ZCCHC7: variants seen among roughly 807,000 people sequenced by gnomAD.
The protein encoded by ZCCHC7 is zinc finger CCHC-type containing 7.
ZCCHC7 carries 35 observed loss-of-function variants against 52.0 expected under a neutral mutation model. That is an observed-to-expected ratio of 0.67 (90% CI 0.51 to 0.89). The LOEUF (loss-of-function observed/expected upper bound fraction) is 0.89, where lower values mean the gene tolerates loss of function less well. Among genes scored for constraint, ZCCHC7 ranks in the 40% least tolerant of loss-of-function variants. The pLI, the probability that ZCCHC7 is intolerant of heterozygous loss-of-function variation, is 0.00. For missense variants in ZCCHC7, 574 were observed against 649.1 expected (o/e 0.88, Z 1.26); for synonymous variants, 217 against 221.5 (o/e 0.98, Z 0.18).
At chr9:37,228,389 ATTTT>A (rs897497698) in intron 2 of ZCCHC7, among the ~76,000 whole-genome samples, 1 of 148,068 alleles carries the variant, frequency 6.8e-6, no homozygotes, top group African/African-American at 2.5e-5. Context: ...TTATTTATTT[ATTTT>A]TTTTTTTGAG....
At chr9:37,209,020 G>A (rs945724924) in intron 2 of ZCCHC7, among the ~76,000 whole-genome samples, 1 of 151,708 alleles carries the variant, frequency 6.6e-6, no homozygotes, top group African/African-American at 2.4e-5. Context: ...TTTTTACTGG[G>A]GCTGGCATAA....
At chr9:37,136,638 G>T (rs778340227) in intron 2 of ZCCHC7, among the ~76,000 whole-genome samples, 10 of 152,238 alleles carry the variant, frequency 6.6e-5, no homozygotes, top group Non-Finnish European at 5.9e-5. Flanking sequence ...TTTGTATGGA[G>T]TTAGATGGAG....
At chr9:37,315,866 T>G (rs1723404494) in intron 5 of ZCCHC7, among the ~76,000 whole-genome samples, 1 of 112,350 alleles carries the variant, frequency 8.9e-6, no homozygotes, top group Admixed American at 9.2e-5. Flanking sequence ...AAAAGTTCTA[T>G]ATAAGCATCC....
intron 2 of ZCCHC7, among the ~76,000 whole-genome samples, chr9:37,204,455 C>G (rs1221057044): frequency 6.6e-6 from 1 of 152,138 alleles, no homozygotes; most frequent in Non-Finnish European, 1.5e-5. Flanking sequence ...ACATTTAAGT[C>G]TTTAATCCAT....
chr9:37,296,031 G>A (rs1588628419), intron 2 of ZCCHC7, among the ~76,000 whole-genome samples: 2 of 152,158 alleles, frequency 1.3e-5, no homozygotes, highest in East Asian at 1.9e-4. Flanking sequence ...CTTTAGGTTG[G>A]TGCAAAAGTA....
intron 2 of ZCCHC7, among the ~76,000 whole-genome samples, chr9:37,152,170 G>A (rs1820564322): frequency 1.3e-5 from 2 of 152,082 alleles, no homozygotes; most frequent in East Asian, 3.9e-4. Flanking sequence ...TAAATAACTT[G>A]CTTTGAATTA....
intron 2 of ZCCHC7, among the ~76,000 whole-genome samples, chr9:37,181,944 C>G (rs1268764957): frequency 6.6e-6 from 1 of 152,142 alleles, no homozygotes; most frequent in Non-Finnish European, 1.5e-5. Context: ...TTCAGCTTCC[C>G]AAAGTGCTGG....
chr9:37,199,877 TG>T (rs1823535370), intron 2 of ZCCHC7, among the ~76,000 whole-genome samples: 1 of 151,458 alleles, frequency 6.6e-6, no homozygotes, highest in Non-Finnish European at 1.5e-5. Context: ...GCTAATTTTT[TG>T]TATTTTTAGT....
chr9:37,123,662 G>T (rs1015098831), intron 1 of ZCCHC7, among the ~76,000 whole-genome samples: 4 of 152,084 alleles, frequency 2.6e-5, no homozygotes, highest in African/African-American at 9.7e-5. Flanking sequence ...TTTCTGTGCT[G>T]CACTGGAATT....
intron 2 of ZCCHC7, among the ~76,000 whole-genome samples, chr9:37,259,679 G>T (rs1488844077): frequency 6.6e-6 from 1 of 152,108 alleles, no homozygotes; most frequent in African/African-American, 2.4e-5. Context: ...TCAGTTCTGT[G>T]TATAGATTTA....
In ZCCHC7 at chr9:37,203,375, G is replaced by A. The variant is rs532023709; in HGVS notation, c.610+76433G>A. Among the ~76,000 whole-genome samples, 125 of 152,150 alleles carry A rather than the reference G, an allele frequency of 8.2e-4. 2 individuals are homozygous for A. Among genetic ancestry groups the A allele is most frequent in the African/African-American group, 2.5e-3 (102 of 41,538 alleles). ...GTGTAGGTTTGTTACATAGGTATAC[G>A]TGTGCCATGGTGGTTTCCTGCACCT... On this transcript the variant is annotated intron_variant, in intron 2 of 8. Coordinates refer to ENST00000336755, the MANE Select transcript of ZCCHC7 (RefSeq NM_032226.3).
intron 2 of ZCCHC7, among the ~76,000 whole-genome samples, chr9:37,296,881 T>TTGTGTGTG (rs56378965): frequency 0.11 from 13,068 of 123,998 alleles, 929 homozygotes; most frequent in Non-Finnish European, 0.13. Flanking sequence ...CCTGGCTAGT[T>TTGTGTGTG]TGTGTGTGTG....
chr9:37,308,772 AG>A (rs1007952229), intron 5 of ZCCHC7, among the ~76,000 whole-genome samples: 6 of 151,994 alleles, frequency 3.9e-5, no homozygotes, highest in African/African-American at 7.3e-5. Context: ...CGAGGTCAAG[AG>A]ATCGAGACCA....
In ZCCHC7 at chr9:37,201,789, G is replaced by A. The variant is rs544101318; in HGVS notation, c.610+74847G>A. ...GTAGGGCTTCTAAGCCACCACTTTT[G>A]TTAATCTAGTGCTCTTTACCACCTC... is the stretch of plus-strand genomic sequence containing the variant. On this transcript the variant is annotated intron_variant, in intron 2 of 8. Transcript: ENST00000336755. 3.3e-5 allele frequency among the ~76,000 whole-genome samples: 5 copies of A among 152,300 alleles called. No individual in the cohort carries two copies. In the South Asian group the frequency reaches 1.0e-3, roughly 32 times the overall value.
chr9:37,208,053 G>C (rs1047568738), intron 2 of ZCCHC7, among the ~76,000 whole-genome samples: 4 of 151,992 alleles, frequency 2.6e-5, no homozygotes, highest in African/African-American at 7.2e-5. Flanking sequence ...ATGATTTGGT[G>C]CTCCTGGTTT....
intron 2 of ZCCHC7, among the ~76,000 whole-genome samples, chr9:37,266,656 C>T (rs928681528): frequency 6.6e-6 from 1 of 151,998 alleles, no homozygotes; most frequent in South Asian, 2.1e-4. Context: ...GGAGGATCAC[C>T]TGAGCCCAGG....
At chr9:37,289,134 C>T (rs145475469) in intron 2 of ZCCHC7, among the ~76,000 whole-genome samples, 1 of 151,430 alleles carries the variant, frequency 6.6e-6, no homozygotes, top group African/African-American at 2.4e-5. Flanking sequence ...TCATCTTTTA[C>T]TGTGTTCTTC....
intron 2 of ZCCHC7, among the ~76,000 whole-genome samples, chr9:37,282,315 T>A (rs1325170791): frequency 6.6e-6 from 1 of 152,060 alleles, no homozygotes; most frequent in Non-Finnish European, 1.5e-5. Flanking sequence ...TTTAAAAGTT[T>A]AAACAAGGCC....
chr9:37,240,907 A>G (rs1825846953), intron 2 of ZCCHC7, among the ~76,000 whole-genome samples: 1 of 151,928 alleles, frequency 6.6e-6, no homozygotes. Context: ...GCCAAGAGAT[A>G]GATATTTGTT....
Sources: gnomAD v4.1 joint callset for allele counts (sites outside exome capture counted in the v4.1 genomes callset) on GRCh38, gnomAD v4.1.1 for gene constraint, MANE v1.5 for transcripts, NCBI Gene and HGNC (gene_info 2026-07-23, HGNC 2026-07-21) for gene names.